The following NEDD4 variants were observed in gnomAD, a reference collection of about 807,000 sequenced individuals.
NEDD4 encodes E3 ubiquitin-protein ligase NEDD4.
In NEDD4, 99 loss-of-function variants were observed where a neutral mutation model predicts 144.9. That is an observed-to-expected ratio of 0.68 (90% CI 0.58 to 0.81). The LOEUF (loss-of-function observed/expected upper bound fraction) is 0.81, where lower values mean the gene tolerates loss of function less well. NEDD4 is among the 30% of genes least tolerant of loss of function. The pLI is 0.00. For missense variants in NEDD4, 985 were observed against 1,065.9 expected, an observed-to-expected ratio of 0.92 and a Z score of 1.06; for synonymous variants, 318 against 350.6, an observed-to-expected ratio of 0.91 and a Z score of 1.04.
At chr15:55,952,452 T>G (rs1049666943) in intron 2 of NEDD4, among the ~76,000 whole-genome samples, 1 of 152,186 alleles carries the variant, frequency 6.6e-6, no homozygotes, top group Admixed American at 6.5e-5. Flanking sequence ...CTTTGGACAC[T>G]TTACTTGTCC....
rs373718024 is a variant in NEDD4 at position 55,829,931 on chromosome 15, A to G, written c.2669T>C (p.Ile890Thr). 1.9e-4 allele frequency: 314 copies of G among 1,613,802 alleles called. 1 individual carries two copies. In the South Asian group the frequency reaches 2.9e-3, roughly 15 times the overall value. The change falls in exon 29 of 29, where the codon ATT (isoleucine) becomes ACT (threonine). Residue 890 changes from isoleucine (I) to threonine (T), a missense_variant. Physicochemically the swap from Ile to Thr is moderately conservative, Grantham distance 89. Transcript: ENST00000435532. ...TCCATCAAAGCCCTGGGTGTTTTCA[A>G]TTGCCATCTGAAGTTTATCCCATAA... ...EELWDKLQMA[I>T]ENTQGFDGVD
At chr15:55,865,197 C>CAAAAAA (rs34140490) in intron 8 of NEDD4, among the ~76,000 whole-genome samples, 1 of 84,950 alleles carries the variant, frequency 1.2e-5, no homozygotes. Context: ...GACTCTGTCT[C>CAAAAAA]AAAAAAAAAA....
intron 25 of NEDD4, 39 bp downstream of exon 25, chr15:55,834,188 T>C (rs575796844): frequency 1.2e-6 from 2 of 1,607,332 alleles, no homozygotes; most frequent in African/African-American, 2.7e-5. Context: ...AAATAATGGG[T>C]TCACAATTTC....
At chr15:55,939,807 G>T (rs2036963133) in intron 4 of NEDD4, among the ~76,000 whole-genome samples, 1 of 152,022 alleles carries the variant, frequency 6.6e-6, no homozygotes, top group Admixed American at 6.6e-5. Context: ...ACAGTATAAA[G>T]GTTCCCCAAA....
At chr15:55,847,319 A>C (rs959697005) in intron 17 of NEDD4, among the ~76,000 whole-genome samples, 3 of 152,226 alleles carry the variant, frequency 2.0e-5, no homozygotes, top group African/African-American at 7.2e-5. Context: ...AGGTAGAGAA[A>C]TATTAGAAAC....
chr15:55,865,936 C>G (rs1237161034), intron 8 of NEDD4, among the ~76,000 whole-genome samples: 5 of 113,280 alleles, frequency 4.4e-5, no homozygotes, highest in African/African-American at 1.6e-4. Context: ...GAATTTCTCT[C>G]TTTCTTCTCT....
chr15:55,848,325 C>T (rs368320427), intron 17 of NEDD4, 47 bp downstream of exon 17: 2 of 1,571,620 alleles, frequency 1.3e-6, no homozygotes, highest in East Asian at 4.5e-5. Flanking sequence ...CTTGAAGAGA[C>T]AGGTGAGCGG....
At chr15:55,894,984 C>G (rs1374945563) in intron 5 of NEDD4, among the ~76,000 whole-genome samples, 1 of 152,088 alleles carries the variant, frequency 6.6e-6, no homozygotes, top group Non-Finnish European at 1.5e-5. Flanking sequence ...GCATTTGTTT[C>G]AACTTTCTTT....
At chr15:55,853,807 G>C (rs2034085455) in intron 12 of NEDD4, among the ~76,000 whole-genome samples, 1 of 152,102 alleles carries the variant, frequency 6.6e-6, no homozygotes, top group Admixed American at 6.5e-5. Context: ...TGGCCAACAT[G>C]GTGAAAACTT....
intron 5 of NEDD4, among the ~76,000 whole-genome samples, chr15:55,897,312 T>G (rs2142142117): frequency 6.6e-6 from 1 of 152,326 alleles, no homozygotes; most frequent in South Asian, 2.1e-4. Context: ...CTGTGTCATC[T>G]TCGTCTTACT....
intron 5 of NEDD4, chr15:55,916,506 C>T (rs2036450954): frequency 1.2e-6 from 2 of 1,613,982 alleles, no homozygotes; most frequent in Admixed American, 1.7e-5. Context: ...AGCATCATCA[C>T]TATCAGCTAA....
intron 2 of NEDD4, chr15:55,952,585 T>A (rs1293546461): frequency 2.0e-5 from 3 of 152,222 alleles, no homozygotes; most frequent in African/African-American, 7.2e-5. Flanking sequence ...ACGTTACCTC[T>A]TAATTGGCCA....
chr15:55,840,375 G>A lies in NEDD4; in HGVS notation c.2031+72C>T, dbSNP rs541709004. On this transcript the variant is annotated intron_variant, in intron 21 of 28. Coordinates refer to ENST00000435532, the MANE Select transcript of NEDD4 (RefSeq NM_006154.4). ...TATATTAATTTCCATGTCATTAAAA[G>A]CAAATTCTTCAAAATGTTCAAGCTG... 3.0e-6 allele frequency: 4 copies of A among 1,352,906 alleles called. 1 individual carries two copies. The highest frequency in any genetic ancestry group is 3.0e-6 in the Non-Finnish European group (3 of 985,150). The allele number at this position is 1,352,906 out of a possible 1,614,324, so 83.8% of individuals were successfully genotyped here.
chr15:55,943,418 C>G (rs535949545), intron 4 of NEDD4, among the ~76,000 whole-genome samples: 2 of 152,264 alleles, frequency 1.3e-5, no homozygotes, highest in South Asian at 4.2e-4. Context: ...CAGGGCCCTG[C>G]TGCCCTACAC....
chr15:55,890,205 A>C (rs2035522777), intron 5 of NEDD4, among the ~76,000 whole-genome samples: 1 of 152,234 alleles, frequency 6.6e-6, no homozygotes. Flanking sequence ...AGCTTTATTA[A>C]GATGTAATTC....
chr15:55,890,583 G>T lies in NEDD4; in HGVS notation c.292-16575C>A, dbSNP rs1221276804. On this transcript the variant is annotated intron_variant, in intron 5 of 28. Transcript: ENST00000435532. Reference sequence around the variant, plus strand: ...CATTTTATTTATCCATTTTTCAGTTGATTGACATTTGGGTTGTTTCAACTG... The same window carrying T: ...CATTTTATTTATCCATTTTTCAGTTTATTGACATTTGGGTTGTTTCAACTG... Among the ~76,000 whole-genome samples, 4 of 152,042 alleles carry T rather than the reference G, an allele frequency of 2.6e-5. No individual in the cohort carries two copies. In the East Asian group the frequency reaches 7.7e-4, roughly 29 times the overall value.
intron 19 of NEDD4, 75 bp from the exon 20 acceptor site, chr15:55,840,802 C>T: frequency 6.9e-7 from 1 of 1,442,190 alleles, no homozygotes. Flanking sequence ...TAATCTTCCT[C>T]CTTTAAGAGT....
chr15:55,847,138 A>C, intron 17 of NEDD4, 104 bp from the exon 18 acceptor site: 2 of 590,488 alleles, frequency 3.4e-6, no homozygotes, highest in South Asian at 2.7e-5. Context: ...TAAAAGAAAA[A>C]TATTTGGAAA....
At position 55,937,567 on chromosome 15, in the gene NEDD4, G is replaced by A. The variant is rs1039322285; in HGVS notation, c.238-12868C>T. On this transcript the variant is annotated intron_variant, in intron 4 of 28. Coordinates refer to ENST00000435532, the MANE Select transcript of NEDD4 (RefSeq NM_006154.4). Reference sequence around the variant, plus strand: ...AGTAAATATTTGGTAAATGTAACTAGCTAAAACATTTGGTAATAGGGAAGT... The same window carrying A: ...AGTAAATATTTGGTAAATGTAACTAACTAAAACATTTGGTAATAGGGAAGT... Among the ~76,000 whole-genome samples, 15 of 152,146 alleles carry A rather than the reference G, an allele frequency of 9.9e-5. No individual in the cohort carries two copies. The South Asian group carries it at 3.1e-3, about 32-fold the overall frequency.
Sources: allele counts gnomAD v4.1 joint callset (sites outside exome capture counted in the v4.1 genomes callset), GRCh38; gene constraint gnomAD v4.1.1; transcripts MANE v1.5; gene names NCBI Gene and HGNC (gene_info 2026-07-23, HGNC 2026-07-21).